Variants in NEBL observed in about 807,000 individuals in gnomAD.
NEBL encodes nebulette.
In NEBL, 122 loss-of-function variants were observed where a neutral mutation model predicts 140.2. The ratio of observed to expected loss-of-function variants is 0.87; its 90% confidence interval spans 0.75 to 1.01. The LOEUF is 1.01. Among genes scored for constraint, NEBL ranks in the 50% least tolerant of loss-of-function variants. The pLI is 0.00. For synonymous variants in NEBL, 436 were observed against 398.9 expected (o/e 1.09, Z -1.11); for missense variants, 1,365 against 1,231.3 (o/e 1.11, Z -1.62).
intron 5 of NEBL, among the ~76,000 whole-genome samples, chr10:20,875,513 T>G (rs950508583): frequency 6.6e-6 from 1 of 152,234 alleles, no homozygotes; most frequent in Non-Finnish European, 1.5e-5. Flanking sequence ...CAGACACATG[T>G]GCAGCTGGAG....
intron 3 of NEBL, among the ~76,000 whole-genome samples, chr10:21,202,338 C>T (rs913788717): frequency 1.3e-5 from 2 of 151,948 alleles, no homozygotes; most frequent in African/African-American, 4.8e-5. Flanking sequence ...CTAAAAGTTC[C>T]TGTTACATTC....
At chr10:21,228,432 G>A (rs1842201662) in intron 3 of NEBL, among the ~76,000 whole-genome samples, 1 of 152,054 alleles carries the variant, frequency 6.6e-6, no homozygotes, top group African/African-American at 2.4e-5. Flanking sequence ...ACGATTACAG[G>A]CATGAGCAAC....
At chr10:21,130,055 AAAGATATC>A (rs919235182) in intron 2 of NEBL, among the ~76,000 whole-genome samples, 1 of 152,094 alleles carries the variant, frequency 6.6e-6, no homozygotes, top group African/African-American at 2.4e-5. Context: ...GAACGGAGAA[AAAGATATC>A]ATGATAACAC....
intron 3 of NEBL, among the ~76,000 whole-genome samples, chr10:21,220,922 G>A (rs1284710768): frequency 6.6e-6 from 1 of 152,190 alleles, no homozygotes; most frequent in Non-Finnish European, 1.5e-5. Flanking sequence ...TTGGGAGGCC[G>A]AGGCAGGAGG....
At chr10:21,096,489 G>C (rs749062033) in intron 2 of NEBL, among the ~76,000 whole-genome samples, 1 of 37,036 alleles carries the variant, frequency 2.7e-5, no homozygotes, top group East Asian at 1.2e-3. Context: ...TTGGTTTTGA[G>C]TGTGTGTGTG....
chr10:20,884,424 C>A lies in NEBL; in HGVS notation c.370-3520G>T, dbSNP rs547295107. On this transcript the variant is annotated intron_variant, in intron 4 of 27. Transcript: ENST00000377122. ...GTTTCACAGATGCCCTGAAGCTTCT[C>A]CCTGCCCTCGCTTTCAGAAAATTCA... is the stretch of plus-strand genomic sequence containing the variant. Among the ~76,000 whole-genome samples the A allele has an allele frequency of 7.6e-4, 115 of 152,244 alleles. 1 individual carries two copies. The highest frequency in any genetic ancestry group is 2.6e-3 in the African/African-American group (107 of 41,546).
chr10:20,889,876 T>C lies in NEBL; in HGVS notation c.227A>G (p.His76Arg), dbSNP rs1250049892. Residue 76 changes from histidine to arginine, a missense_variant, in exon 3 of 28, where the codon CAT becomes CGT. Transcript: ENST00000377122. ...TFVTDSPMLNHVKNIGAFISE... is the reference protein window; with the variant it reads ...TFVTDSPMLNRVKNIGAFISE... ...AATAAAAGCACCGATATTTTTTACA[T>C]GGTTTAGCATAGGACTGTCAGTCAC... is the stretch of plus-strand genomic sequence containing the variant. 5.6e-6 allele frequency: 9 copies of C among 1,612,838 alleles called. No homozygotes were observed. Among genetic ancestry groups the C allele is most frequent in the Non-Finnish European group, 7.6e-6 (9 of 1,179,024 alleles).
In NEBL at chr10:20,918,743, C is replaced by T. The variant is rs185617065; in HGVS notation, c.357+42929G>A. The stretch of plus-strand genomic sequence containing the variant: ...GCGGGCGCCTATAGTCCCAGCTACT[C>T]GGGAGGCTGAGGCAGAAGAATGGTG... On this transcript the variant is annotated intron_variant, in intron 4 of 6. Transcript: ENST00000417816. Among the ~76,000 whole-genome samples, 536 of 151,288 alleles carry T rather than the reference C, an allele frequency of 3.5e-3. 4 individuals are homozygous for T. The highest frequency in any genetic ancestry group is 0.012 in the African/African-American group (514 of 41,338).
rs922096547 is a variant in NEBL at position 21,029,232 on chromosome 10, G to T, written c.165-9031C>A. The T allele has an allele frequency of 1.9e-5, 28 of 1,501,016 alleles. No homozygotes were observed. In the African/African-American group the frequency reaches 3.7e-4, roughly 20 times the overall value. 93.0% of individuals were successfully genotyped at this position (1,501,016 alleles called of 1,614,324 possible). ...ATTCCATCCTTCCCACTGCTCCACCGGCTGCTCGGGAACCCAATATCAACT... is the reference window on the plus strand; with the variant it reads ...ATTCCATCCTTCCCACTGCTCCACCTGCTGCTCGGGAACCCAATATCAACT... On this transcript the variant is annotated intron_variant, in intron 2 of 6. Coordinates refer to the NEBL transcript ENST00000417816.
chr10:21,256,247 T>C (rs1167013145), intron 1 of NEBL, among the ~76,000 whole-genome samples: 2 of 151,998 alleles, frequency 1.3e-5, no homozygotes. Context: ...TTTGTATTTT[T>C]AGTAGAGATG....
At chr10:20,975,204 G>A (rs542307161) in intron 3 of NEBL, among the ~76,000 whole-genome samples, 2 of 152,062 alleles carry the variant, frequency 1.3e-5, no homozygotes, top group Admixed American at 1.3e-4. Flanking sequence ...ATAAAGAACT[G>A]GACTTTATAA....
intron 1 of NEBL, among the ~76,000 whole-genome samples, chr10:21,263,664 A>G (rs1842766072): frequency 6.6e-6 from 1 of 152,142 alleles, no homozygotes; most frequent in Non-Finnish European, 1.5e-5. Flanking sequence ...GTGCAGAGAT[A>G]AGCAAAAGCG....
At chr10:20,994,517 C>T in intron 3 of NEBL, among the ~76,000 whole-genome samples, 1 of 152,166 alleles carries the variant, frequency 6.6e-6, no homozygotes, top group East Asian at 1.9e-4. Flanking sequence ...AAGATAATTA[C>T]TTCCATTGGC....
At chr10:21,004,476 T>G (rs1389538454) in intron 3 of NEBL, among the ~76,000 whole-genome samples, 1 of 152,112 alleles carries the variant, frequency 6.6e-6, no homozygotes, top group Non-Finnish European at 1.5e-5. Flanking sequence ...ATCCCAGTAC[T>G]TTCGGAGGCC....
chr10:20,915,950 C>G (rs1306170897), intron 4 of NEBL, among the ~76,000 whole-genome samples: 2 of 152,202 alleles, frequency 1.3e-5, no homozygotes, highest in African/African-American at 4.8e-5. Flanking sequence ...AATTGTTAAA[C>G]TGCATTACCA....
intron 14 of NEBL, among the ~76,000 whole-genome samples, chr10:20,835,127 G>A (rs1840748410): frequency 6.6e-6 from 1 of 152,174 alleles, no homozygotes; most frequent in Admixed American, 6.6e-5. Context: ...GTCCATATAT[G>A]AAGTTCTGCT....
chr10:21,055,836 G>A (rs996740279), intron 2 of NEBL, among the ~76,000 whole-genome samples: 2 of 152,160 alleles, frequency 1.3e-5, no homozygotes, highest in Non-Finnish European at 2.9e-5. Context: ...GGGCTCCCGC[G>A]TGAGAATGAA....
At chr10:21,147,484 A>G (rs1256705529) in intron 2 of NEBL, among the ~76,000 whole-genome samples, 1 of 150,668 alleles carries the variant, frequency 6.6e-6, no homozygotes, top group Middle Eastern at 3.2e-3. Context: ...TCAGTCCTCA[A>G]CCCACTGCAG....
intron 1 of NEBL, among the ~76,000 whole-genome samples, chr10:21,252,093 C>G (rs1842595408): frequency 1.3e-5 from 2 of 152,206 alleles, no homozygotes; most frequent in South Asian, 4.1e-4. Context: ...TCTCCTACTT[C>G]TCATGTACCT....
Sources: allele counts gnomAD v4.1 joint callset (sites outside exome capture counted in the v4.1 genomes callset), GRCh38; gene constraint gnomAD v4.1.1; transcripts MANE v1.5; gene names NCBI Gene and HGNC (gene_info 2026-07-23, HGNC 2026-07-21).